Variants in TSPYL5 observed in about 807,000 individuals in gnomAD.
TSPYL5 encodes the protein testis-specific Y-encoded-like protein 5.
For missense variants in TSPYL5, 556 were observed against 555.5 expected, an observed-to-expected ratio of 1.00 and a Z score of -0.01; for synonymous variants, 276 against 236.1, an observed-to-expected ratio of 1.17 and a Z score of -1.55.
chr8:97,276,529 A>G lies in TSPYL5; in HGVS notation c.*62T>C, dbSNP rs1810518148. 3.2e-6 allele frequency: 5 copies of G among 1,554,990 alleles called. No individual in the cohort carries two copies. The highest frequency in any genetic ancestry group is 4.3e-6 in the Non-Finnish European group (5 of 1,153,192). ...AGGCCAACATGAAGAGAAGGCAGAGAGCCAAATATGTAGTCAACCAGGAGC... is the reference window on the plus strand; with the variant it reads ...AGGCCAACATGAAGAGAAGGCAGAGGGCCAAATATGTAGTCAACCAGGAGC... On this transcript the variant is annotated 3_prime_UTR_variant, in exon 1 of 1. Transcript: ENST00000322128.
chr8:97,277,670 AC>A lies in TSPYL5; in HGVS notation c.174del (p.Trp59GlyfsTer105). On this transcript the variant is annotated frameshift_variant, in exon 1 of 1. Coordinates refer to ENST00000322128, the MANE Select transcript of TSPYL5 (RefSeq NM_033512.3). LOFTEE classifies it low-confidence loss of function (END_TRUNC). This position sits in a 1 kb window ranked among gnomAD's most constrained non-coding sequence, Gnocchi z 4.5. ...TQAAQVQAGA[G>X]WGGLEAAASA... ...GACGCAGCGGCTTCCAGGCCACCCC[AC>A]CCCGCGCCAGCCTGCACCTGTGCCG... 6.8e-7 allele frequency: 1 copy of A among 1,479,670 alleles called. No individual in the cohort carries two copies. The highest frequency in any genetic ancestry group is 8.9e-7 in the Non-Finnish European group (1 of 1,120,726). 91.7% of individuals were successfully genotyped at this position (1,479,670 alleles called of 1,614,324 possible). A position where few individuals can be genotyped will look rare whatever the true frequency, so the allele number is the denominator to read the frequency against.
chr8:97,277,573 G>T lies in TSPYL5; in HGVS notation c.272C>A (p.Ala91Asp). Residue 91 changes from alanine to aspartate, a missense_variant, in exon 1 of 1, where the codon GCC (alanine) becomes GAC (aspartate). By Grantham distance (126) the Ala-to-Asp change is moderately radical. Coordinates refer to ENST00000322128, the MANE Select transcript of TSPYL5 (RefSeq NM_033512.3). This position sits in a 1 kb window ranked among gnomAD's most constrained non-coding sequence, Gnocchi z 4.5. ...LPLDCGLALR[A>D]RAAGDHGQAA... ...CTGCCCGTGGTCCCCCGCAGCTCGG[G>T]CCCGCAGCGCGAGGCCACAGTCCAG... is the stretch of plus-strand genomic sequence containing the variant. 1 of 1,462,862 alleles carries T rather than the reference G, an allele frequency of 6.8e-7. No individual in the cohort carries two copies. Among genetic ancestry groups the T allele is most frequent in the African/African-American group, 1.4e-5 (1 of 69,130 alleles). The allele number at this position is 1,462,862 out of a possible 1,614,324, so 90.6% of individuals were successfully genotyped here. A position where few individuals can be genotyped will look rare whatever the true frequency, so the allele number is the denominator to read the frequency against.
chr8:97,276,400 A>G lies in TSPYL5; in HGVS notation c.*191T>C, dbSNP rs1810515015. ...AACAGTCCGGGTGCGATCACATAAC[A>G]TGTGACACTAACGTAGAAAAGCAAG... On this transcript the variant is annotated 3_prime_UTR_variant, in exon 1 of 1. Transcript: ENST00000322128. The G allele has an allele frequency of 1.4e-6, 1 of 717,330 alleles. No homozygotes were observed. Among genetic ancestry groups the G allele is most frequent in the South Asian group, 1.8e-5 (1 of 55,204 alleles). 44.4% of individuals were successfully genotyped at this position (717,330 alleles called of 1,614,324 possible).
chr8:97,277,632 G>T lies in TSPYL5; in HGVS notation c.213C>A (p.Leu71=). 1 of 1,450,840 alleles carries T rather than the reference G, an allele frequency of 6.9e-7. No homozygotes were observed. The highest frequency in any genetic ancestry group is 1.5e-5 in the South Asian group (1 of 68,550). 89.9% of individuals were successfully genotyped at this position (1,450,840 alleles called of 1,614,324 possible). A position where few individuals can be genotyped will look rare whatever the true frequency, so the allele number is the denominator to read the frequency against. The change falls in exon 1 of 1, where the codon CTC becomes CTA. Residue 71 remains leucine (L), a synonymous_variant. Coordinates refer to ENST00000322128, the MANE Select transcript of TSPYL5 (RefSeq NM_033512.3). The surrounding 1 kb of genome is among the most constrained non-coding windows in gnomAD (Gnocchi z 4.5). ...GGCAGGCGGCCTCCTCCCCGAGCCG[G>T]AGGAGCTGCGCGGACGCAGCGGCTT... ...GLEAAASAQL[L]RLGEEAACRL... is the part of the protein sequence containing the mutation.
At position 97,276,197 on chromosome 8, in the gene TSPYL5, AAG is replaced by A. The variant is rs1336124350; in HGVS notation, c.*392_*393del. 5.1e-6 allele frequency: 1 copy of A among 195,368 alleles called. No individual in the cohort carries two copies. The highest frequency in any genetic ancestry group is 2.3e-5 in the African/African-American group (1 of 42,624). The allele number at this position is 195,368 out of a possible 1,614,324, so 12.1% of individuals were successfully genotyped here. ...GACATGCATGGCCAGCATGAACACGAAGCCCAGCAAGTCACTGGCCCTGAAGG... is the reference window on the plus strand; with the variant it reads ...GACATGCATGGCCAGCATGAACACGACCCAGCAAGTCACTGGCCCTGAAGG... On this transcript the variant is annotated 3_prime_UTR_variant, in exon 1 of 1. Transcript: ENST00000322128.
rs932048438 is a variant in TSPYL5, at chr8:97,274,091, A to G, written c.*2500T>C. ...ATTTTCAATAAACAATACAGGTGAA[A>G]AGAGAGAGATACAGATGAAACCAGG... On this transcript the variant is annotated 3_prime_UTR_variant, in exon 1 of 1. Coordinates refer to ENST00000322128, the MANE Select transcript of TSPYL5 (RefSeq NM_033512.3). The G allele has an allele frequency of 2.6e-5, 4 of 151,906 alleles. No individual in the cohort carries two copies. The highest frequency in any genetic ancestry group is 4.4e-5 in the Non-Finnish European group (3 of 68,024). 9.4% of individuals were successfully genotyped at this position (151,906 alleles called of 1,614,324 possible).
Position 97,276,540 on chromosome 8 carries a change from T to C in TSPYL5, c.*51A>G, listed in dbSNP as rs1403905659. The stretch of plus-strand genomic sequence containing the variant: ...AAGAGAAGGCAGAGAGCCAAATATG[T>C]AGTCAACCAGGAGCAGCCCAGCAGG... On this transcript the variant is annotated 3_prime_UTR_variant, in exon 1 of 1. Coordinates refer to ENST00000322128, the MANE Select transcript of TSPYL5 (RefSeq NM_033512.3). 3 of 1,569,010 alleles carry C rather than the reference T, an allele frequency of 1.9e-6. No homozygotes were observed. The highest frequency in any genetic ancestry group is 2.6e-6 in the Non-Finnish European group (3 of 1,160,532).
Position 97,277,536 on chromosome 8 carries a change from C to A in TSPYL5, c.309G>T (p.Arg103Ser), listed in dbSNP as rs1470496854. 2 of 1,493,100 alleles carry A rather than the reference C, an allele frequency of 1.3e-6. No individual in the cohort carries two copies. The highest frequency in any genetic ancestry group is 1.8e-6 in the Non-Finnish European group (2 of 1,125,896). 92.5% of individuals were successfully genotyped at this position (1,493,100 alleles called of 1,614,324 possible). Residue 103 changes from arginine (R) to serine (S), a missense_variant, in exon 1 of 1, where the codon AGG (arginine) becomes AGT (serine). Coordinates refer to ENST00000322128, the MANE Select transcript of TSPYL5 (RefSeq NM_033512.3). The surrounding 1 kb of genome is among the most constrained non-coding windows in gnomAD (Gnocchi z 4.5). The part of the protein sequence containing the change: ...AAGDHGQAAA[R>S]PGPGKAASLS... The stretch of plus-strand genomic sequence containing the variant: ...GAGATGCGGCCTTCCCCGGGCCGGG[C>A]CTGGCCGCGGCCTGCCCGTGGTCCC...
chr8:97,277,017 G>A lies in TSPYL5; in HGVS notation c.828C>T (p.Tyr276=). The A allele has an allele frequency of 6.2e-7, 1 of 1,614,242 alleles. No homozygotes were observed. Among genetic ancestry groups the A allele is most frequent in the Non-Finnish European group, 8.5e-7 (1 of 1,180,040 alleles). ...LNSQEKEVLS[Y]LNSLEVEELG... ...GCTCTTCCACTTCCAAGCTGTTTAAGTAGCTCAGTACCTCTTTCTCTTGGC... is the reference window on the plus strand; with the variant it reads ...GCTCTTCCACTTCCAAGCTGTTTAAATAGCTCAGTACCTCTTTCTCTTGGC... Residue 276 remains tyrosine, a synonymous_variant, in exon 1 of 1, where the codon TAC becomes TAT. Transcript: ENST00000322128. This position sits in a 1 kb window ranked among gnomAD's most constrained non-coding sequence, Gnocchi z 4.5.
chr8:97,275,007 T>C lies in TSPYL5; in HGVS notation c.*1584A>G, dbSNP rs1018699380. 2.0e-5 allele frequency: 3 copies of C among 152,766 alleles called. No homozygotes were observed. Among genetic ancestry groups the C allele is most frequent in the African/African-American group, 4.8e-5 (2 of 41,432 alleles). The allele number at this position is 152,766 out of a possible 1,614,324, so 9.5% of individuals were successfully genotyped here. On this transcript the variant is annotated 3_prime_UTR_variant, in exon 1 of 1. Transcript: ENST00000322128. ...GGAAAGCTGGGGATTGAGGTCCAGA[T>C]GGCCAGAGGCTACCACAAAGGAGGA...
chr8:97,276,823 T>C lies in TSPYL5; in HGVS notation c.1022A>G (p.Gln341Arg). The change falls in exon 1 of 1, where the codon CAG (glutamine) becomes CGG (arginine). Residue 341 changes from glutamine to arginine, a missense_variant. Coordinates refer to ENST00000322128, the MANE Select transcript of TSPYL5 (RefSeq NM_033512.3). Reference sequence around the variant, plus strand: ...ACTACGGTTGTTTTCTGGGTTTCCCTGGCTTAGGGACTGGAGATCATGCCC... The same window carrying C: ...ACTACGGTTGTTTTCTGGGTTTCCCCGGCTTAGGGACTGGAGATCATGCCC... ...LPGHDLQSLS[Q>R]GNPENNRSFF... The C allele has an allele frequency of 6.2e-7, 1 of 1,614,242 alleles. No individual in the cohort carries two copies. The highest frequency in any genetic ancestry group is 8.5e-7 in the Non-Finnish European group (1 of 1,180,040).
rs1315475764 is a variant in TSPYL5 at position 97,275,315 on chromosome 8, G to A, written c.*1276C>T. 6.6e-6 allele frequency: 1 copy of A among 151,860 alleles called. No homozygotes were observed. The highest frequency in any genetic ancestry group is 6.6e-5 in the Admixed American group (1 of 15,228). 9.4% of individuals were successfully genotyped at this position (151,860 alleles called of 1,614,324 possible). On this transcript the variant is annotated 3_prime_UTR_variant, in exon 1 of 1. Coordinates refer to ENST00000322128, the MANE Select transcript of TSPYL5 (RefSeq NM_033512.3). ...CCCCAGCTGTATGTAGAAAAATGTG[G>A]TTTTTCAGTTGTTTTCTCTGTGGTA... is the stretch of plus-strand genomic sequence containing the variant.
rs765302778 is a variant in TSPYL5, at chr8:97,277,266, C to T, written c.579G>A (p.Ser193=). The T allele has an allele frequency of 1.3e-5, 21 of 1,613,824 alleles. No homozygotes were observed. Among genetic ancestry groups the T allele is most frequent in the East Asian group, 2.2e-5 (1 of 44,866 alleles). ...EEKKEERDAG[S]GPPATEGSMD... Reference sequence around the variant, plus strand: ...TGCTGCCTTCCGTCGCTGGGGGCCCCGACCCTGCATCCCTCTCTTCCTTCT... The same window carrying T: ...TGCTGCCTTCCGTCGCTGGGGGCCCTGACCCTGCATCCCTCTCTTCCTTCT... The change falls in exon 1 of 1, where the codon TCG becomes TCA. Residue 193 remains serine (S), a synonymous_variant. Transcript: ENST00000322128. The surrounding 1 kb of genome is among the most constrained non-coding windows in gnomAD (Gnocchi z 4.5).
chr8:97,275,428 G>C lies in TSPYL5; in HGVS notation c.*1163C>G, dbSNP rs1049483725. 7.9e-5 allele frequency: 12 copies of C among 152,230 alleles called. No homozygotes were observed. The highest frequency in any genetic ancestry group is 5.9e-4 in the Admixed American group (9 of 15,262). 9.4% of individuals were successfully genotyped at this position (152,230 alleles called of 1,614,324 possible). ...GGAGGCTACCAGGAAAGGGAGGGAGGAAAGAAGAATGAGAGGGAGGAAATG... is the reference window on the plus strand; with the variant it reads ...GGAGGCTACCAGGAAAGGGAGGGAGCAAAGAAGAATGAGAGGGAGGAAATG... On this transcript the variant is annotated 3_prime_UTR_variant, in exon 1 of 1. Coordinates refer to ENST00000322128, the MANE Select transcript of TSPYL5 (RefSeq NM_033512.3).
chr8:97,277,269 C>T lies in TSPYL5; in HGVS notation c.576G>A (p.Gly192=), dbSNP rs894181853. 3.1e-6 allele frequency: 5 copies of T among 1,613,790 alleles called. No individual in the cohort carries two copies. The highest frequency in any genetic ancestry group is 3.3e-4 in the Middle Eastern group (2 of 6,082). ...GEEKKEERDA[G]SGPPATEGSM... ...TGCCTTCCGTCGCTGGGGGCCCCGA[C>T]CCTGCATCCCTCTCTTCCTTCTTTT... The change falls in exon 1 of 1, where the codon GGG becomes GGA. Residue 192 remains glycine (G), a synonymous_variant. Transcript: ENST00000322128. This position sits in a 1 kb window ranked among gnomAD's most constrained non-coding sequence, Gnocchi z 4.5.
Position 97,276,711 on chromosome 8 carries a change from C to T in TSPYL5, c.1134G>A (p.Leu378=), listed in dbSNP as rs1810524101. The T allele has an allele frequency of 6.2e-7, 1 of 1,614,182 alleles. No homozygotes were observed. The highest frequency in any genetic ancestry group is 8.5e-7 in the Non-Finnish European group (1 of 1,180,028). ...IINEELWPNP[L]QFYLLSEGAR... is the part of the protein sequence containing the mutation. ...CCCCTTCACTCAAAAGGTAGAACTG[C>T]AAGGGATTGGGCCACAATTCTTCGT... The change falls in exon 1 of 1, where the codon TTG becomes TTA. Residue 378 remains leucine (L), a synonymous_variant. Coordinates refer to ENST00000322128, the MANE Select transcript of TSPYL5 (RefSeq NM_033512.3).
In TSPYL5 at chr8:97,274,504, C is replaced by G. The variant is rs1810480088; in HGVS notation, c.*2087G>C. 1 of 152,094 alleles carries G rather than the reference C, an allele frequency of 6.6e-6. No individual in the cohort carries two copies. Among genetic ancestry groups the G allele is most frequent in the Non-Finnish European group, 1.5e-5 (1 of 68,010 alleles). The allele number at this position is 152,094 out of a possible 1,614,324, so 9.4% of individuals were successfully genotyped here. A position where few individuals can be genotyped will look rare whatever the true frequency, so the allele number is the denominator to read the frequency against. Reference sequence around the variant, plus strand: ...TAGGCATCCTATTTGTTCATAACCCCTTCAATTCTCATTTTCCAAGCTAGG... The same window carrying G: ...TAGGCATCCTATTTGTTCATAACCCGTTCAATTCTCATTTTCCAAGCTAGG... On this transcript the variant is annotated 3_prime_UTR_variant, in exon 1 of 1. Transcript: ENST00000322128.
Position 97,276,814 on chromosome 8 carries a change from G to A in TSPYL5, c.1031C>T (p.Pro344Leu), listed in dbSNP as rs1399175163. The change falls in exon 1 of 1, where the codon CCA (proline) becomes CTA (leucine). Residue 344 changes from proline (P) to leucine (L), a missense_variant. Physicochemically the swap from Pro to Leu is moderately conservative, Grantham distance 98 (BLOSUM62 -3). Coordinates refer to ENST00000322128, the MANE Select transcript of TSPYL5 (RefSeq NM_033512.3). ...HDLQSLSQGNPENNRSFFGWF... is the reference protein window; with the variant it reads ...HDLQSLSQGNLENNRSFFGWF... ...CCCAAAGAAACTACGGTTGTTTTCT[G>A]GGTTTCCCTGGCTTAGGGACTGGAG... 1.8e-5 allele frequency: 29 copies of A among 1,614,180 alleles called. No individual in the cohort carries two copies. The highest frequency in any genetic ancestry group is 2.5e-5 in the Non-Finnish European group (29 of 1,180,016).
Position 97,276,270 on chromosome 8 carries a change from A to T in TSPYL5, c.*321T>A. The T allele has an allele frequency of 3.5e-6, 1 of 286,480 alleles. No individual in the cohort carries two copies. Among genetic ancestry groups the T allele is most frequent in the Non-Finnish European group, 6.5e-6 (1 of 154,294 alleles). The allele number at this position is 286,480 out of a possible 1,614,324, so 17.7% of individuals were successfully genotyped here. A position where few individuals can be genotyped will look rare whatever the true frequency, so the allele number is the denominator to read the frequency against. ...TGGTCGTCCTGGAGGATGACTCATGAGTGTCCATGTTAAAGACAAGTAGGA... is the reference window on the plus strand; with the variant it reads ...TGGTCGTCCTGGAGGATGACTCATGTGTGTCCATGTTAAAGACAAGTAGGA... On this transcript the variant is annotated 3_prime_UTR_variant, in exon 1 of 1. Coordinates refer to ENST00000322128, the MANE Select transcript of TSPYL5 (RefSeq NM_033512.3).
Sources: allele counts gnomAD v4.1 joint callset, GRCh38; gene constraint gnomAD v4.1.1; non-coding constraint Gnocchi (gnomAD v3.1); transcripts MANE v1.5; gene names NCBI Gene and HGNC (gene_info 2026-07-23, HGNC 2026-07-21).